Variants in MYCBP2 observed in about 807,000 individuals in gnomAD.
The protein encoded by MYCBP2 is MYC binding protein 2.
Under a neutral mutation model 525.3 loss-of-function variants are expected in MYCBP2, and 120 were observed. The ratio of observed to expected loss-of-function variants is 0.23; its 90% CI spans 0.20 to 0.27. MYCBP2 has a LOEUF of 0.27. Among genes scored for constraint, MYCBP2 ranks in the 10% least tolerant of loss-of-function variants. The probability of loss-of-function intolerance (pLI) is 1.00; values close to 1 mark genes in which losing one functional copy is unlikely to be tolerated. For synonymous variants in MYCBP2, 1,894 were observed against 1,955.8 expected, an observed-to-expected ratio of 0.97 and a Z score of 0.83; for missense variants, 4,149 against 5,657.1, an observed-to-expected ratio of 0.73 and a Z score of 8.55.
intron 3 of MYCBP2, among the ~76,000 whole-genome samples, chr13:77,280,415 C>T (rs975412391): frequency 1.3e-5 from 2 of 152,082 alleles, no homozygotes; most frequent in Non-Finnish European, 2.9e-5. Flanking sequence ...TATGTACTTA[C>T]AGGAAAGAGA....
chr13:77,158,521 T>C (rs1224739533), intron 44 of MYCBP2, among the ~76,000 whole-genome samples: 1 of 152,214 alleles, frequency 6.6e-6, no homozygotes, highest in Non-Finnish European at 1.5e-5. Flanking sequence ...TAGCTCATTG[T>C]AGCCTCAACC....
At chr13:77,117,292 G>C (rs1474587180) in intron 55 of MYCBP2, among the ~76,000 whole-genome samples, 7 of 151,948 alleles carry the variant, frequency 4.6e-5, no homozygotes, top group Admixed American at 3.3e-4. Context: ...TGATAAGCTA[G>C]AAATTGATAG....
At chr13:77,226,603 A>G (rs1278059148) in intron 18 of MYCBP2, among the ~76,000 whole-genome samples, 1 of 152,190 alleles carries the variant, frequency 6.6e-6, no homozygotes. Flanking sequence ...ATCTACAGAC[A>G]CACACTTTCT....
chr13:77,156,918 T>C (rs1008765469), intron 45 of MYCBP2, among the ~76,000 whole-genome samples: 1 of 152,176 alleles, frequency 6.6e-6, no homozygotes, highest in African/African-American at 2.4e-5. Flanking sequence ...TTTGTGATTT[T>C]TAAAAACTAA....
chr13:77,130,099 C>G (rs1006552463), intron 52 of MYCBP2, among the ~76,000 whole-genome samples: 31 of 151,788 alleles, frequency 2.0e-4, no homozygotes, highest in African/African-American at 7.2e-4. Context: ...TGCTATCAAT[C>G]TATATTTATC....
chr13:77,050,440 C>A (rs1427502530), intron 82 of MYCBP2, among the ~76,000 whole-genome samples: 1 of 152,206 alleles, frequency 6.6e-6, no homozygotes, highest in Non-Finnish European at 1.5e-5. Flanking sequence ...ACCGTTGCCA[C>A]TAGCCTCCTG....
intron 1 of MYCBP2, among the ~76,000 whole-genome samples, chr13:77,317,914 G>T (rs1211288429): frequency 2.0e-5 from 3 of 151,764 alleles, no homozygotes; most frequent in Non-Finnish European, 4.4e-5. Context: ...TCCAGCTTGG[G>T]CAACAGAGCA....
chr13:77,285,857 GGGAAAGGAAAGGAAAGGAAAGGAAA>G (rs71102731), intron 3 of MYCBP2, among the ~76,000 whole-genome samples: 5 of 146,132 alleles, frequency 3.4e-5, no homozygotes, highest in African/African-American at 1.0e-4. Flanking sequence ...GAGAAAGGAA[GGGAAAGGAAAGGAAAGGAAAGGAAA>G]GGAAAGGAAA....
At chr13:77,071,271 GCACACACACACACACACACACA>G (rs71814048) in intron 68 of MYCBP2, among the ~76,000 whole-genome samples, 1 of 142,656 alleles carries the variant, frequency 7.0e-6, no homozygotes, top group African/African-American at 2.7e-5. Flanking sequence ...GTGTGCACAC[GCACACACACACACACACACACA>G]CACACACACA....
chr13:77,106,660 C>T (rs1193549638), intron 55 of MYCBP2, among the ~76,000 whole-genome samples: 4 of 152,032 alleles, frequency 2.6e-5, no homozygotes, highest in African/African-American at 7.2e-5. Context: ...GTAGTGGAGC[C>T]GTCAGAAATT....
intron 3 of MYCBP2, among the ~76,000 whole-genome samples, chr13:77,279,797 T>C (rs886587627): frequency 1.3e-5 from 2 of 152,212 alleles, no homozygotes; most frequent in African/African-American, 4.8e-5. Context: ...TCTAAGAGTT[T>C]ATAATCTAAT....
chr13:77,222,453 A>C (rs2065725020), intron 20 of MYCBP2, among the ~76,000 whole-genome samples: 1 of 152,192 alleles, frequency 6.6e-6, no homozygotes, highest in Admixed American at 6.5e-5. Flanking sequence ...TATCATTAGC[A>C]ACAACATTCA....
At chr13:77,158,799 T>C (rs1947383706) in intron 44 of MYCBP2, among the ~76,000 whole-genome samples, 1 of 152,166 alleles carries the variant, frequency 6.6e-6, no homozygotes, top group Admixed American at 6.5e-5. Context: ...AAGGTGTGTC[T>C]GTTCTCTTGG....
At chr13:77,085,811 C>T (rs2044159046) in intron 62 of MYCBP2, among the ~76,000 whole-genome samples, 1 of 152,144 alleles carries the variant, frequency 6.6e-6, no homozygotes, top group Admixed American at 6.5e-5. Context: ...AAGAGTCATT[C>T]CTCTCAGTGG....
At chr13:77,087,440 G>A in intron 62 of MYCBP2, 44 bp downstream of exon 62, 1 of 1,507,752 alleles carries the variant, frequency 6.6e-7, no homozygotes, top group South Asian at 1.2e-5. Flanking sequence ...TATACTACCA[G>A]TTTCTATAAA....
chr13:77,063,577 A>G (rs1274334195), intron 73 of MYCBP2, among the ~76,000 whole-genome samples: 3 of 151,638 alleles, frequency 2.0e-5, no homozygotes, highest in Non-Finnish European at 4.4e-5. Context: ...AAAAAAAAAA[A>G]AAAAGACAAC....
intron 18 of MYCBP2, among the ~76,000 whole-genome samples, 182 bp from the exon 19 acceptor site, chr13:77,225,736 T>C (rs750514693): frequency 2.0e-4 from 31 of 152,164 alleles, no homozygotes; most frequent in Admixed American, 2.6e-4. Context: ...TTTGAAAAGA[T>C]AGACTATATA....
At chr13:77,207,026 C>T (rs1372646186) in intron 23 of MYCBP2, among the ~76,000 whole-genome samples, 4 of 152,048 alleles carry the variant, frequency 2.6e-5, no homozygotes, top group Non-Finnish European at 5.9e-5. Context: ...AAAATAGTAA[C>T]GTAGATTATA....
intron 1 of MYCBP2, among the ~76,000 whole-genome samples, chr13:77,297,150 A>C (rs2078279424): frequency 6.6e-6 from 1 of 152,240 alleles, no homozygotes. Flanking sequence ...TGGATACTTC[A>C]TTATCACATA....
Sources: allele counts gnomAD v4.1 joint callset (sites outside exome capture counted in the v4.1 genomes callset), GRCh38; gene constraint gnomAD v4.1.1; transcripts MANE v1.5; gene names NCBI Gene and HGNC (gene_info 2026-07-23, HGNC 2026-07-21).